The following TENM3 variants were observed in gnomAD, a reference collection of about 807,000 sequenced individuals.
The protein encoded by TENM3 is teneurin-3.
TENM3 carries 63 observed loss-of-function variants against 255.1 expected under a neutral mutation model. The ratio of observed to expected loss-of-function variants is 0.25; its 90% CI spans 0.20 to 0.30. The LOEUF (loss-of-function observed/expected upper bound fraction) is 0.30. TENM3 is among the 10% of genes least tolerant of loss of function. TENM3 has a pLI of 1.00. For synonymous variants in TENM3, 1,306 were observed against 1,322.3 expected (o/e 0.99, Z 0.27); for missense variants, 2,929 against 3,461.1 (o/e 0.85, Z 3.86).
At chr4:181,550,444 T>C in the TENM3 span, among the ~76,000 whole-genome samples, 7 of 152,176 alleles carry the variant, frequency 4.6e-5, no homozygotes, top group African/African-American at 1.7e-4. Flanking sequence ...AAGAACTAAA[T>C]AAGCACATGC....
chr4:181,574,486 G>C, the TENM3 span, among the ~76,000 whole-genome samples: 3 of 151,328 alleles, frequency 2.0e-5, no homozygotes, highest in East Asian at 5.9e-4. Context: ...AGCCGAGATC[G>C]TGCCACTGCA....
chr4:181,665,008 C>T, the TENM3 span, among the ~76,000 whole-genome samples: 3 of 152,042 alleles, frequency 2.0e-5, no homozygotes, highest in African/African-American at 7.2e-5. Flanking sequence ...CCTTTCATAC[C>T]CAAGTCAACT....
chr4:182,789,976 T>C lies in TENM3; in HGVS notation c.5601+587T>C, dbSNP rs529486671. On this transcript the variant is annotated intron_variant, in intron 25 of 27. Transcript: ENST00000511685. This position sits in a 1 kb window ranked among gnomAD's most constrained non-coding sequence, Gnocchi z 4.4. ...TTCCATTCTTGAGAACTATGCATAG[T>C]ATCAAAAATGGAGACTTAGAATTAC... is the stretch of plus-strand genomic sequence containing the variant. Among the ~76,000 whole-genome samples the C allele has an allele frequency of 2.5e-4, 38 of 152,262 alleles. No homozygotes were observed. Among genetic ancestry groups the C allele is most frequent in the African/African-American group, 8.7e-4 (36 of 41,558 alleles).
At chr4:181,986,511 T>C in the TENM3 span, among the ~76,000 whole-genome samples, 1 of 152,054 alleles carries the variant, frequency 6.6e-6, no homozygotes, top group Non-Finnish European at 1.5e-5. Context: ...CATCCTCATA[T>C]CCAAGTCTGG....
the TENM3 span, among the ~76,000 whole-genome samples, chr4:181,471,915 G>C: frequency 2.6e-5 from 4 of 152,076 alleles, no homozygotes; most frequent in Non-Finnish European, 5.9e-5. Flanking sequence ...AGGACACAAG[G>C]GAATGATCTA....
chr4:182,623,405 C>G (rs1750488520), intron 4 of TENM3, among the ~76,000 whole-genome samples: 1 of 152,050 alleles, frequency 6.6e-6, no homozygotes, highest in African/African-American at 2.4e-5. Context: ...TGGGTTCAAG[C>G]AATTCTCCTG....
At chr4:182,135,517 A>C in the TENM3 span, among the ~76,000 whole-genome samples, 2 of 152,246 alleles carry the variant, frequency 1.3e-5, no homozygotes, top group Non-Finnish European at 2.9e-5. Context: ...AGTTGAATAC[A>C]GACTTGAAGT....
intron 5 of TENM3, among the ~76,000 whole-genome samples, chr4:182,641,511 A>G (rs1752308751): frequency 1.3e-5 from 2 of 151,794 alleles, no homozygotes; most frequent in Non-Finnish European, 2.9e-5. Flanking sequence ...ACATAAAAGT[A>G]GTATGCAGTT....
chr4:182,626,063 G>A (rs931744716), intron 4 of TENM3, among the ~76,000 whole-genome samples: 2 of 152,178 alleles, frequency 1.3e-5, no homozygotes, highest in African/African-American at 4.8e-5. Context: ...AAGTGTTATT[G>A]GAACAGAGCC....
At chr4:182,099,616 C>T in the TENM3 span, among the ~76,000 whole-genome samples, 1 of 152,072 alleles carries the variant, frequency 6.6e-6, no homozygotes, top group Non-Finnish European at 1.5e-5. Context: ...CACAGCCACA[C>T]CAATCCATTT....
the TENM3 span, among the ~76,000 whole-genome samples, chr4:181,849,949 T>TCTCTCTCTCTCTCTCTCTCTCACACA: frequency 1.5e-5 from 1 of 65,906 alleles, no homozygotes; most frequent in African/African-American, 4.4e-5. Context: ...TCTCTCTCTC[T>TCTCTCTCTCTCTCTCTCTCTCACACA]CACACACACA....
chr4:182,686,563 C>T (rs1398688680), intron 11 of TENM3, among the ~76,000 whole-genome samples: 4 of 152,048 alleles, frequency 2.6e-5, no homozygotes, highest in Non-Finnish European at 1.5e-5. Flanking sequence ...CCCGAAGAAA[C>T]ATTGGTTAAG....
the TENM3 span, among the ~76,000 whole-genome samples, chr4:181,899,827 G>A: frequency 6.6e-6 from 1 of 152,086 alleles, no homozygotes; most frequent in African/African-American, 2.4e-5. Context: ...CAGCCTCCCA[G>A]TGTGGTGGGA....
At chr4:182,252,965 C>T (rs553960885) in intron 1 of TENM3, among the ~76,000 whole-genome samples, 1 of 152,290 alleles carries the variant, frequency 6.6e-6, no homozygotes, top group African/African-American at 2.4e-5. Context: ...CCAGGCCTCT[C>T]TGTATCAAAG....
chr4:182,259,820 A>G (rs754550349), intron 1 of TENM3, among the ~76,000 whole-genome samples: 1 of 152,124 alleles, frequency 6.6e-6, no homozygotes, highest in Non-Finnish European at 1.5e-5. Flanking sequence ...ACTGTAAACT[A>G]TAGTTACCCT....
chr4:181,761,199 C>T, the TENM3 span, among the ~76,000 whole-genome samples: 1 of 151,884 alleles, frequency 6.6e-6, no homozygotes, highest in Non-Finnish European at 1.5e-5. Flanking sequence ...TAGGGAAAAA[C>T]CTCATCATTA....
chr4:182,106,433 G>A, the TENM3 span, among the ~76,000 whole-genome samples: 1 of 152,152 alleles, frequency 6.6e-6, no homozygotes, highest in South Asian at 2.1e-4. Flanking sequence ...CTCCAGCCTG[G>A]GCGATGGAGC....
chr4:182,074,851 G>A, the TENM3 span, among the ~76,000 whole-genome samples: 1 of 152,220 alleles, frequency 6.6e-6, no homozygotes. Flanking sequence ...GAAGGAGGTG[G>A]ATCTTCAGAA....
the TENM3 span, among the ~76,000 whole-genome samples, chr4:181,729,692 T>C: frequency 1.3e-5 from 2 of 152,144 alleles, no homozygotes; most frequent in East Asian, 1.9e-4. Flanking sequence ...TCTTCTCCAC[T>C]GGGTTATTCA....
Sources: gnomAD v4.1 joint callset for allele counts (sites outside exome capture counted in the v4.1 genomes callset) on GRCh38, gnomAD v4.1.1 for gene constraint, Gnocchi (gnomAD v3.1) non-coding constraint, MANE v1.5 for transcripts, NCBI Gene and HGNC (gene_info 2026-07-23, HGNC 2026-07-21) for gene names.